Variants in SLC9C2 observed in about 807,000 individuals in gnomAD.
SLC9C2 encodes sodium/hydrogen exchanger 11.
A neutral mutation model predicts 140.2 loss-of-function variants in SLC9C2; 75 were observed. The observed-to-expected ratio is 0.53, with a 90% confidence interval of 0.44 to 0.65. The LOEUF is 0.65. Among genes scored for constraint, SLC9C2 ranks in the 30% least tolerant of loss-of-function variants. The pLI is 0.00. For synonymous variants in SLC9C2, 375 were observed against 420.9 expected (o/e 0.89, Z 1.34); for missense variants, 1,074 against 1,331.8 (o/e 0.81, Z 3.01).
At chr1:173,537,940 A>G (rs1662097412) in intron 13 of SLC9C2, among the ~76,000 whole-genome samples, 1 of 152,160 alleles carries the variant, frequency 6.6e-6, no homozygotes, top group African/African-American at 2.4e-5. Context: ...CACTTTGCCT[A>G]TCCATTGTTT....
rs576408849 is a variant in SLC9C2 at position 173,576,521 on chromosome 1, A to G, written c.902+140T>C. ...TTGTTGGCACCTTAAATTCTTTTCA[A>G]ATATAACTGATAGCAAAAATAAAAT... On this transcript the variant is annotated intron_variant, in intron 8 of 27. Coordinates refer to ENST00000367714, the MANE Select transcript of SLC9C2 (RefSeq NM_178527.4). The G allele has an allele frequency of 7.9e-5, 44 of 558,636 alleles. No individual in the cohort carries two copies. The South Asian group carries it at 1.2e-3, about 15-fold the overall frequency. 34.6% of individuals were successfully genotyped at this position (558,636 alleles called of 1,614,324 possible).
At chr1:173,582,220 C>G (rs926513161) in intron 6 of SLC9C2, among the ~76,000 whole-genome samples, 1 of 152,096 alleles carries the variant, frequency 6.6e-6, no homozygotes, top group Non-Finnish European at 1.5e-5. Flanking sequence ...TTAAGGTTTG[C>G]TTATCTAGGG....
intron 9 of SLC9C2, among the ~76,000 whole-genome samples, chr1:173,566,236 A>G (rs1435005673): frequency 6.6e-6 from 1 of 152,106 alleles, no homozygotes; most frequent in Non-Finnish European, 1.5e-5. Context: ...ATTTTTCAGA[A>G]TAATTTGAGT....
intron 3 of SLC9C2, among the ~76,000 whole-genome samples, chr1:173,599,862 G>A (rs772908972): frequency 8.6e-5 from 13 of 152,000 alleles, no homozygotes; most frequent in East Asian, 1.9e-4. Context: ...CCTCAGCCTC[G>A]CAAAGTGCTG....
intron 24 of SLC9C2, among the ~76,000 whole-genome samples, chr1:173,508,084 T>C (rs1374985724): frequency 6.6e-6 from 1 of 151,848 alleles, no homozygotes; most frequent in Non-Finnish European, 1.5e-5. Context: ...CATACATTTA[T>C]TTGCTGAGGG....
chr1:173,562,060 C>A (rs1664155958), intron 9 of SLC9C2, among the ~76,000 whole-genome samples: 1 of 151,954 alleles, frequency 6.6e-6, no homozygotes, highest in Non-Finnish European at 1.5e-5. Flanking sequence ...ATCTGGGCAC[C>A]GTTATAATAG....
At chr1:173,522,977 CT>C (rs1220295281) in intron 21 of SLC9C2, among the ~76,000 whole-genome samples, 6 of 152,198 alleles carry the variant, frequency 3.9e-5, no homozygotes, top group Non-Finnish European at 5.9e-5. Context: ...CTTTTCTCCC[CT>C]TATTTTTCTC....
chr1:173,521,384 C>T lies in SLC9C2; in HGVS notation c.2656G>A (p.Ala886Thr), dbSNP rs751648052. 1.4e-5 allele frequency: 21 copies of T among 1,501,722 alleles called. No homozygotes were observed. The highest frequency in any genetic ancestry group is 1.9e-5 in the Non-Finnish European group (21 of 1,130,970). The allele number at this position is 1,501,722 out of a possible 1,614,324, so 93.0% of individuals were successfully genotyped here. The stretch of plus-strand genomic sequence containing the variant: ...ATGGTATCTCCAGAGTCAAAACAGG[C>T]AAGTTTGGCTCTTTCCTGAGTGGGA... The part of the protein sequence containing the change: ...IDFFKERAKL[A>T]CFDSGDTICK... Residue 886 changes from alanine to threonine, a missense_variant, in exon 22 of 28, where the codon GCC becomes ACC. Coordinates refer to ENST00000367714, the MANE Select transcript of SLC9C2 (RefSeq NM_178527.4).
intron 15 of SLC9C2, among the ~76,000 whole-genome samples, chr1:173,535,316 T>C (rs1185486591): frequency 1.3e-5 from 2 of 152,208 alleles, no homozygotes; most frequent in Non-Finnish European, 2.9e-5. Flanking sequence ...CTCTAAAAAG[T>C]ATGTAAGCTC....
intron 22 of SLC9C2, 86 bp downstream of exon 22, chr1:173,521,215 G>T (rs919607745): frequency 2.7e-6 from 2 of 736,148 alleles, no homozygotes; most frequent in Non-Finnish European, 4.1e-6. Flanking sequence ...AACTTTTTCA[G>T]TATCTAAATT....
intron 24 of SLC9C2, among the ~76,000 whole-genome samples, chr1:173,507,887 C>A (rs1659769453): frequency 6.6e-6 from 1 of 152,062 alleles, no homozygotes; most frequent in African/African-American, 2.4e-5. Context: ...TTTACGCCAC[C>A]CAGTTTGTGG....
At chr1:173,574,016 C>A (rs6425250) in intron 8 of SLC9C2, among the ~76,000 whole-genome samples, 3 of 152,106 alleles carry the variant, frequency 2.0e-5, no homozygotes, top group African/African-American at 7.3e-5. Flanking sequence ...GAACCACCCC[C>A]AGAGATTCTT....
intron 11 of SLC9C2, among the ~76,000 whole-genome samples, chr1:173,554,462 T>C (rs1246117674): frequency 6.6e-6 from 1 of 152,170 alleles, no homozygotes. Context: ...AACAACTTTA[T>C]GTAGAGTAGA....
chr1:173,562,310 A>C (rs1201610845), intron 9 of SLC9C2, among the ~76,000 whole-genome samples: 1 of 152,198 alleles, frequency 6.6e-6, no homozygotes, highest in East Asian at 1.9e-4. Flanking sequence ...ATTTTTAAAA[A>C]TATCTTTTAA....
In SLC9C2 at chr1:173,582,018, A is replaced by T; in HGVS notation, c.641-10T>A. 2 of 1,498,740 alleles carry T rather than the reference A, an allele frequency of 1.3e-6. No homozygotes were observed. Among genetic ancestry groups the T allele is most frequent in the South Asian group, 1.4e-5 (1 of 73,418 alleles). 92.8% of individuals were successfully genotyped at this position (1,498,740 alleles called of 1,614,324 possible). On this transcript the variant is annotated splice_polypyrimidine_tract_variant and intron_variant, in intron 6 of 27. Coordinates refer to ENST00000367714, the MANE Select transcript of SLC9C2 (RefSeq NM_178527.4). The stretch of plus-strand genomic sequence containing the variant: ...ATGCCTACATGTAAATCTAAAAAAA[A>T]GAAAGAAAAAATAAGAAATAAAAAC...
intron 24 of SLC9C2, among the ~76,000 whole-genome samples, chr1:173,507,601 G>T (rs1229664917): frequency 6.6e-6 from 1 of 152,104 alleles, no homozygotes; most frequent in Non-Finnish European, 1.5e-5. Flanking sequence ...TATTGAAATG[G>T]GTCATTGCAG....
intron 2 of SLC9C2, among the ~76,000 whole-genome samples, chr1:173,601,431 C>A (rs1666776390): frequency 6.6e-6 from 1 of 152,206 alleles, no homozygotes; most frequent in African/African-American, 2.4e-5. Flanking sequence ...ATTCTTCTTA[C>A]ATGTCTACCA....
intron 23 of SLC9C2, among the ~76,000 whole-genome samples, chr1:173,514,980 C>T (rs1032412174): frequency 6.6e-6 from 1 of 152,074 alleles, no homozygotes; most frequent in Non-Finnish European, 1.5e-5. Context: ...AATATTGGCC[C>T]CCACTGTTTT....
At chr1:173,531,044 T>G (rs1259444498) in intron 17 of SLC9C2, among the ~76,000 whole-genome samples, 1 of 152,206 alleles carries the variant, frequency 6.6e-6, no homozygotes, top group African/African-American at 2.4e-5. Context: ...GCCAGTATTC[T>G]TTCACGTTTT....
Sources: gnomAD v4.1 joint callset for allele counts (sites outside exome capture counted in the v4.1 genomes callset) on GRCh38, gnomAD v4.1.1 for gene constraint, MANE v1.5 for transcripts, NCBI Gene and HGNC (gene_info 2026-07-23, HGNC 2026-07-21) for gene names.